TULP4: variants seen among roughly 807,000 people sequenced by gnomAD.
TULP4 encodes TUB like protein 4.
A neutral mutation model predicts 129.0 loss-of-function variants in TULP4; 16 were observed. The ratio of observed to expected loss-of-function variants is 0.12; its 90% confidence interval spans 0.08 to 0.19. The LOEUF is 0.19. Among genes scored for constraint, TULP4 ranks in the 10% least tolerant of loss-of-function variants. TULP4 has a pLI of 1.00. For missense variants in TULP4, 1,842 were observed against 2,059.1 expected, an observed-to-expected ratio of 0.89 and a Z score of 2.04; for synonymous variants, 998 against 854.0, an observed-to-expected ratio of 1.17 and a Z score of -2.94.
chr6:158,378,484 T>TTTTTTTTTG (rs1232571783), intron 1 of TULP4, among the ~76,000 whole-genome samples: 17 of 129,300 alleles, frequency 1.3e-4, no homozygotes, highest in African/African-American at 2.1e-4. Flanking sequence ...TTTTTTTTTT[T>TTTTTTTTTG]TGGTGGGGGT....
chr6:158,394,903 G>A (rs1251935565), intron 1 of TULP4, among the ~76,000 whole-genome samples: 2 of 151,830 alleles, frequency 1.3e-5, no homozygotes, highest in African/African-American at 2.4e-5. Context: ...TGACTGGGAG[G>A]CCTCAGGATA....
chr6:158,493,735 C>G lies in TULP4; in HGVS notation c.1776+18C>G. 6.5e-7 allele frequency: 1 copy of G among 1,530,074 alleles called. No homozygotes were observed. Among genetic ancestry groups the G allele is most frequent in the Non-Finnish European group, 8.8e-7 (1 of 1,137,934 alleles). The allele number at this position is 1,530,074 out of a possible 1,614,324, so 94.8% of individuals were successfully genotyped here. On this transcript the variant is annotated intron_variant, in intron 10 of 13. Transcript: ENST00000367097. The surrounding 1 kb of genome is among the most constrained non-coding windows in gnomAD (Gnocchi z 4.4). ...TCACTCAGGTAGGAGCCCCCAGTTA[C>G]CCTGCCTTGCTCCCCTCCTCCTGGG...
In TULP4 at chr6:158,509,643, G is replaced by A. The variant is rs1420805876; in HGVS notation, c.*2949G>A. ...ATGCCTAGCTCCCTCCCCCAAAGGC[G>A]CTTTCCCCCGATGGAGGCACAGGCT... On this transcript the variant is annotated 3_prime_UTR_variant, in exon 14 of 14. Transcript: ENST00000367097. The A allele has an allele frequency of 1.3e-5, 2 of 152,162 alleles. No individual in the cohort carries two copies. The highest frequency in any genetic ancestry group is 2.9e-5 in the Non-Finnish European group (2 of 68,046). 9.4% of individuals were successfully genotyped at this position (152,162 alleles called of 1,614,324 possible).
chr6:158,265,637 G>A lies in TULP4; in HGVS notation n.68+33334G>A, dbSNP rs997308446. Among the ~76,000 whole-genome samples, 14 of 151,456 alleles carry A rather than the reference G, an allele frequency of 9.2e-5. 1 individual carries two copies. In the East Asian group the frequency reaches 1.7e-3, roughly 19 times the overall value. On this transcript the variant is annotated intron_variant and non_coding_transcript_variant, in intron 1 of 1. Transcript: ENST00000620026. ...GCGGAGGTTGCAGTGAGCCAAAATC[G>A]TGCCACTGCACTCCAGCCTGGTGAC...
At chr6:158,396,161 CAG>C (rs1343676621) in intron 1 of TULP4, among the ~76,000 whole-genome samples, 1 of 152,162 alleles carries the variant, frequency 6.6e-6, no homozygotes, top group South Asian at 2.1e-4. Flanking sequence ...GAGAACCAAG[CAG>C]AGTGTTTGTA....
intron 1 of TULP4, among the ~76,000 whole-genome samples, chr6:158,262,467 A>G (rs1778369733): frequency 6.6e-6 from 1 of 152,120 alleles, no homozygotes; most frequent in South Asian, 2.1e-4. Flanking sequence ...ACCCAGGCCA[A>G]TGACCACTGA....
chr6:158,386,361 T>G, intron 1 of TULP4, among the ~76,000 whole-genome samples: 1 of 152,130 alleles, frequency 6.6e-6, no homozygotes, highest in South Asian at 2.1e-4. Flanking sequence ...ACTCAAAATT[T>G]AACAAGTAAA....
Position 158,502,409 on chromosome 6 carries a change from C to T in TULP4, c.2746C>T (p.Leu916Phe), listed in dbSNP as rs543124505. The T allele has an allele frequency of 8.1e-6, 13 of 1,613,814 alleles. No homozygotes were observed. The African/African-American group carries it at 1.6e-4, about 20-fold the overall frequency. Residue 916 changes from leucine (L) to phenylalanine (F), a missense_variant, in exon 13 of 14, where the codon CTC (leucine) becomes TTC (phenylalanine). By Grantham distance (22) the Leu-to-Phe change is conservative. Coordinates refer to ENST00000367097, the MANE Select transcript of TULP4 (RefSeq NM_020245.5). Reference protein sequence around the residue: ...RMLCSQNTYTLPGPGSSATLR... With the variant: ...RMLCSQNTYTFPGPGSSATLR... ...GCTGTGCTCCCAGAACACGTACACC[C>T]TCCCCGGCCCGGGTAGCTCTGCCAC... is the stretch of plus-strand genomic sequence containing the variant.
intron 1 of TULP4, among the ~76,000 whole-genome samples, chr6:158,244,705 G>C (rs1777993919): frequency 6.6e-6 from 1 of 152,170 alleles, no homozygotes; most frequent in South Asian, 2.1e-4. Context: ...ATAAATTTCT[G>C]TTGTGGCCGG....
rs5881254 is a variant in TULP4 at position 158,342,947 on chromosome 6, A to ATGTGTGTGTGTGTGTGTGTG, written c.252+28699_252+28718dup. On this transcript the variant is annotated intron_variant, in intron 1 of 13. Transcript: ENST00000367097. Reference sequence around the variant, plus strand: ...TAGTGAACGATGAGATTAAAAATAAATGTGTGTGTGTGTGTGTGTGTGTGT... The same window carrying ATGTGTGTGTGTGTGTGTGTG: ...TAGTGAACGATGAGATTAAAAATAAATGTGTGTGTGTGTGTGTGTGTGTGTGTGTGTGTGTGTGTGTGTGT... Among the ~76,000 whole-genome samples, 1,181 of 147,574 alleles carry ATGTGTGTGTGTGTGTGTGTG rather than the reference A, an allele frequency of 8.0e-3. 15 individuals are homozygous for ATGTGTGTGTGTGTGTGTGTG. Among genetic ancestry groups the ATGTGTGTGTGTGTGTGTGTG allele is most frequent in the African/African-American group, 0.014 (559 of 39,474 alleles).
intron 1 of TULP4, among the ~76,000 whole-genome samples, chr6:158,389,021 C>G (rs965540935): frequency 5.9e-5 from 9 of 152,178 alleles, no homozygotes; most frequent in Admixed American, 5.9e-4. Context: ...AATGACTGTC[C>G]CAACTCAATG....
rs544965968 is a variant in TULP4 at position 158,396,830 on chromosome 6, G to A, written c.253-16235G>A. ...GTTTAACTTCCCTAAAGAAATGTAT[G>A]TACTTTCCCCCCAAGTTCTGGCACT... is the stretch of plus-strand genomic sequence containing the variant. On this transcript the variant is annotated intron_variant, in intron 1 of 13. Transcript: ENST00000367097. Among the ~76,000 whole-genome samples, 5 of 152,278 alleles carry A rather than the reference G, an allele frequency of 3.3e-5. No individual in the cohort carries two copies. In the South Asian group the frequency reaches 6.2e-4, roughly 19 times the overall value.
chr6:158,435,732 C>G (rs968360433), intron 3 of TULP4, among the ~76,000 whole-genome samples: 1 of 152,142 alleles, frequency 6.6e-6, no homozygotes, highest in Non-Finnish European at 1.5e-5. Context: ...ACCATGCTTG[C>G]AGAGCAACTC....
intron 3 of TULP4, among the ~76,000 whole-genome samples, chr6:158,434,416 CAA>C (rs2115074115): frequency 6.6e-6 from 1 of 152,222 alleles, no homozygotes; most frequent in East Asian, 1.9e-4. Flanking sequence ...GAGAAAATGT[CAA>C]ATAAATATAA....
chr6:158,235,355 C>T (rs1406747782), intron 1 of TULP4, among the ~76,000 whole-genome samples: 1 of 152,100 alleles, frequency 6.6e-6, no homozygotes, highest in Non-Finnish European at 1.5e-5. Context: ...CTGGAAACCA[C>T]CCCTCTATTT....
At chr6:158,475,778 C>T (rs907029441) in intron 6 of TULP4, among the ~76,000 whole-genome samples, 4 of 152,220 alleles carry the variant, frequency 2.6e-5, no homozygotes, top group African/African-American at 4.8e-5. Context: ...CGCCCCGCCC[C>T]GTGTCTGTGG....
At chr6:158,304,445 A>G (rs9364946) in intron 1 of TULP4, among the ~76,000 whole-genome samples, 23,099 of 152,198 alleles carry the variant, frequency 0.15, 2,455 homozygotes, top group East Asian at 0.43. Flanking sequence ...TTCTAATAAT[A>G]TCTGTGGAGG....
Position 158,480,322 on chromosome 6 carries a change from TCCTGACAGATG to T in TULP4, c.1251+350_1251+360del, listed in dbSNP as rs1251292841. The stretch of plus-strand genomic sequence containing the variant: ...AAATCTGTCTTGTTCAGTCCTGACT[TCCTGACAGATG>T]CCATTATTCGCATTTAAGGAAGCAG... On this transcript the variant is annotated intron_variant, in intron 7 of 13. Coordinates refer to ENST00000367097, the MANE Select transcript of TULP4 (RefSeq NM_020245.5). 3.3e-5 allele frequency among the ~76,000 whole-genome samples: 5 copies of T among 152,246 alleles called. No homozygotes were observed. The East Asian group carries it at 5.8e-4, about 18-fold the overall frequency.
intron 1 of TULP4, among the ~76,000 whole-genome samples, chr6:158,374,477 C>T (rs1777141847): frequency 6.6e-6 from 1 of 152,148 alleles, no homozygotes; most frequent in African/African-American, 2.4e-5. Context: ...CTCTCATGGG[C>T]GCTCTGCCGG....
Sources: allele counts gnomAD v4.1 joint callset (sites outside exome capture counted in the v4.1 genomes callset), GRCh38; gene constraint gnomAD v4.1.1; non-coding constraint Gnocchi (gnomAD v3.1); transcripts MANE v1.5; gene names NCBI Gene and HGNC (gene_info 2026-07-23, HGNC 2026-07-21).